The following RAVER1 variants were observed in gnomAD, a reference collection of about 807,000 sequenced individuals.
RAVER1 encodes the protein ribonucleoprotein, PTB binding 1.
RAVER1 carries 36 observed loss-of-function variants against 68.4 expected under a neutral mutation model. The ratio of observed to expected loss-of-function variants is 0.53; its 90% CI spans 0.40 to 0.70. RAVER1 has a LOEUF of 0.70. RAVER1 is among the 30% of genes least tolerant of loss of function. RAVER1 has a pLI of 0.00. For missense variants in RAVER1, 933 were observed against 1,019.8 expected (o/e 0.91, Z 1.16); for synonymous variants, 469 against 472.7 (o/e 0.99, Z 0.10).
In RAVER1 at chr19:10,329,148, C is replaced by A; in HGVS notation, c.287-37G>T. On this transcript the variant is annotated intron_variant, in intron 2 of 12. Coordinates refer to ENST00000617231, the MANE Select transcript of RAVER1 (RefSeq NM_133452.3). The surrounding 1 kb of genome is among the most constrained non-coding windows in gnomAD (Gnocchi z 4.6). ...GGAGGGCAGTGCGAGGTCAGCCGGG[C>A]CCTGAGGGCCTGCCCCTCCACCCCG... The A allele has an allele frequency of 7.6e-7, 1 of 1,309,468 alleles. No individual in the cohort carries two copies. Among genetic ancestry groups the A allele is most frequent in the Non-Finnish European group, 1.0e-6 (1 of 972,394 alleles). The allele number at this position is 1,309,468 out of a possible 1,614,324, so 81.1% of individuals were successfully genotyped here. A position where few individuals can be genotyped will look rare whatever the true frequency, so the allele number is the denominator to read the frequency against.
chr19:10,321,653 C>T (rs772326603), intron 6 of RAVER1, 35 bp from the exon 7 acceptor site: 2 of 1,380,958 alleles, frequency 1.4e-6, no homozygotes, highest in South Asian at 2.0e-5. Context: ...CAGATGGGGG[C>T]AGGGTGGCCC....
In RAVER1 at chr19:10,316,300, G is replaced by A. The variant is rs546923899; in HGVS notation, c.*1154C>T. 3.3e-6 allele frequency: 4 copies of A among 1,212,212 alleles called. No individual in the cohort carries two copies. The highest frequency in any genetic ancestry group is 4.1e-6 in the Non-Finnish European group (4 of 971,630). The allele number at this position is 1,212,212 out of a possible 1,614,324, so 75.1% of individuals were successfully genotyped here. Reference sequence around the variant, plus strand: ...TGGGGTCGGGGGAATAGTCCCCTTGGAGTGGATGTGGACCCCCAGAGTCAA... The same window carrying A: ...TGGGGTCGGGGGAATAGTCCCCTTGAAGTGGATGTGGACCCCCAGAGTCAA... On this transcript the variant is annotated 3_prime_UTR_variant, in exon 13 of 13. Transcript: ENST00000617231.
In RAVER1 at chr19:10,320,692, G is replaced by A. The variant is rs1221278216; in HGVS notation, c.1733C>T (p.Pro578Leu). Reference sequence around the variant, plus strand: ...GAAGCTGTAGCTGTCAGACAGTCCTGGTTCGGGGGGCAGGCGGGCGCTGCT... The same window carrying A: ...GAAGCTGTAGCTGTCAGACAGTCCTAGTTCGGGGGGCAGGCGGGCGCTGCT... ...PLSSARLPPE[P>L]GLSDSYSFDY... Residue 578 changes from proline to leucine, a missense_variant, in exon 9 of 13, where the codon CCA becomes CTA. By Grantham distance (98) the Pro-to-Leu change is moderately conservative. Around this residue, in one of 3 missense-constraint regions of RAVER1, gnomAD observed 699 missense variants for 731.1 expected, o/e 0.96. Coordinates refer to ENST00000617231, the MANE Select transcript of RAVER1 (RefSeq NM_133452.3). 6.5e-7 allele frequency: 1 copy of A among 1,550,294 alleles called. No individual in the cohort carries two copies. Among genetic ancestry groups the A allele is most frequent in the South Asian group, 1.2e-5 (1 of 82,278 alleles).
chr19:10,319,463 T>TC (rs1358792500), intron 9 of RAVER1, among the ~76,000 whole-genome samples: 1 of 152,288 alleles, frequency 6.6e-6, no homozygotes, highest in African/African-American at 2.4e-5. Context: ...AGCTGGGAAT[T>TC]CGAGCTGTGT....
intron 3 of RAVER1, among the ~76,000 whole-genome samples, chr19:10,325,001 C>A (rs2040464137): frequency 1.3e-5 from 2 of 151,660 alleles, no homozygotes; most frequent in African/African-American, 4.8e-5. Flanking sequence ...GCCTGGGCAA[C>A]ATAGGGAGAC....
chr19:10,326,322 C>T (rs936255074), intron 3 of RAVER1, among the ~76,000 whole-genome samples: 10 of 152,242 alleles, frequency 6.6e-5, no homozygotes, highest in East Asian at 3.8e-4. Flanking sequence ...GTCCTGAGCC[C>T]GCACAGGCGG....
rs557840747 is a variant in RAVER1 at position 10,323,623 on chromosome 19, C to T, written c.757-57G>A. The stretch of plus-strand genomic sequence containing the variant: ...CTGGGCAGCAGTGACTGCACCACCC[C>T]GGGAAGTGACAACCGTAACCAGACT... On this transcript the variant is annotated intron_variant, in intron 3 of 12. Coordinates refer to ENST00000617231, the MANE Select transcript of RAVER1 (RefSeq NM_133452.3). The surrounding 1 kb of genome is among the most constrained non-coding windows in gnomAD (Gnocchi z 6.2). 62 of 1,518,208 alleles carry T rather than the reference C, an allele frequency of 4.1e-5. No individual in the cohort carries two copies. Among genetic ancestry groups the T allele is most frequent in the East Asian group, 6.8e-5 (3 of 43,876 alleles). 94.0% of individuals were successfully genotyped at this position (1,518,208 alleles called of 1,614,324 possible).
intron 9 of RAVER1, among the ~76,000 whole-genome samples, chr19:10,319,980 A>G (rs1376968015): frequency 6.6e-6 from 1 of 152,022 alleles, no homozygotes; most frequent in African/African-American, 2.4e-5. Flanking sequence ...TTGGCATCAT[A>G]GAAGGACCAA....
chr19:10,323,245 G>A lies in RAVER1; in HGVS notation c.978C>T (p.Pro326=), dbSNP rs773824271. The change falls in exon 5 of 13, where the codon CCC becomes CCT. Residue 326 remains proline, a synonymous_variant. Transcript: ENST00000617231. The surrounding 1 kb of genome is among the most constrained non-coding windows in gnomAD (Gnocchi z 6.2). The stretch of plus-strand genomic sequence containing the variant: ...TGAGCAGCTGCAGGATGTTGGGCTC[G>A]GGGAGGAGTCCCTTCCCCCGATTGA... ...TALNRGKGLL[P]EPNILQLLNN... The A allele has an allele frequency of 5.6e-6, 9 of 1,613,288 alleles. No homozygotes were observed. Among genetic ancestry groups the A allele is most frequent in the East Asian group, 2.2e-5 (1 of 44,882 alleles).
In RAVER1 at chr19:10,333,335, C is replaced by A; in HGVS notation, c.173G>T (p.Arg58Leu). Residue 58 changes from arginine (R) to leucine (L), a missense_variant, in exon 1 of 13, where the codon CGC (arginine) becomes CTC (leucine). Transcript: ENST00000617231. The surrounding 1 kb of genome is among the most constrained non-coding windows in gnomAD (Gnocchi z 4.2). ...LEHTERQFRN[R>L]RKILIRGLPG... ...GAGGCCCCGGATCAGTATCTTGCGG[C>A]GGTTACGGAACTGGCGCTCGGTGTG... 1.2e-6 allele frequency: 2 copies of A among 1,613,438 alleles called. No homozygotes were observed. Among genetic ancestry groups the A allele is most frequent in the Non-Finnish European group, 1.7e-6 (2 of 1,179,470 alleles).
chr19:10,331,626 C>CA (rs1169616816), intron 1 of RAVER1, among the ~76,000 whole-genome samples: 7 of 126,028 alleles, frequency 5.6e-5, no homozygotes, highest in Non-Finnish European at 9.3e-5. Flanking sequence ...GTGAAGGTTG[C>CA]AGTGAGCAGA....
chr19:10,331,373 A>T lies in RAVER1; in HGVS notation c.220-847T>A, dbSNP rs35673417. ...CTCCGTCTCAAAAAAAAAAAAAAAA[A>T]AAAAAAAAAATAACAACAACAAAAA... On this transcript the variant is annotated intron_variant, in intron 1 of 12. Coordinates refer to ENST00000617231, the MANE Select transcript of RAVER1 (RefSeq NM_133452.3). Among the ~76,000 whole-genome samples, 184 of 130,662 alleles carry T rather than the reference A, an allele frequency of 1.4e-3. 2 individuals are homozygous for T. The East Asian group carries it at 0.032, about 22-fold the overall frequency. The allele number at this position is 130,662 out of a possible 152,430, so 85.7% of individuals were successfully genotyped here.
At chr19:10,327,188 G>T (rs1235696429) in intron 3 of RAVER1, among the ~76,000 whole-genome samples, 1 of 151,804 alleles carries the variant, frequency 6.6e-6, no homozygotes, top group East Asian at 1.9e-4. Context: ...GTTTAAATGG[G>T]GCACCAATAC....
rs140864724 is a variant in RAVER1, at chr19:10,316,660, G to T, written c.*794C>A. 2.7e-5 allele frequency: 20 copies of T among 738,408 alleles called. No individual in the cohort carries two copies. The highest frequency in any genetic ancestry group is 3.1e-5 in the Non-Finnish European group (19 of 603,746). 45.7% of individuals were successfully genotyped at this position (738,408 alleles called of 1,614,324 possible). ...GTGGGGCCGGTTCGCCAAGATGAAGGCTTTCCCCTTCTACTGTCCCCAGGG... is the reference window on the plus strand; with the variant it reads ...GTGGGGCCGGTTCGCCAAGATGAAGTCTTTCCCCTTCTACTGTCCCCAGGG... On this transcript the variant is annotated 3_prime_UTR_variant, in exon 13 of 13. Coordinates refer to ENST00000617231, the MANE Select transcript of RAVER1 (RefSeq NM_133452.3).
At position 10,317,350 on chromosome 19, in the gene RAVER1, T is replaced by C. The variant is rs1024044465; in HGVS notation, c.*104A>G. ...GTAAAGTCTTTCAGAGATTTTTCTA[T>C]TACCGAAAGAGAGAAAATGGTTTAA... On this transcript the variant is annotated 3_prime_UTR_variant, in exon 13 of 13. Transcript: ENST00000617231. This position sits in a 1 kb window ranked among gnomAD's most constrained non-coding sequence, Gnocchi z 4.3. The C allele has an allele frequency of 3.1e-6, 4 of 1,283,728 alleles. No homozygotes were observed. Among genetic ancestry groups the C allele is most frequent in the Non-Finnish European group, 2.2e-6 (2 of 894,652 alleles). The allele number at this position is 1,283,728 out of a possible 1,614,324, so 79.5% of individuals were successfully genotyped here.
At chr19:10,326,755 G>GT (rs34915880) in intron 3 of RAVER1, among the ~76,000 whole-genome samples, 26,585 of 114,200 alleles carry the variant, frequency 0.23, 3,530 homozygotes, top group Middle Eastern at 0.29. Flanking sequence ...CGCCTGGCCT[G>GT]TTTTTTTTTT....
At position 10,320,722 on chromosome 19, in the gene RAVER1, G is replaced by C; in HGVS notation, c.1703C>G (p.Pro568Arg). 6.5e-7 allele frequency: 1 copy of C among 1,543,280 alleles called. No homozygotes were observed. Among genetic ancestry groups the C allele is most frequent in the Non-Finnish European group, 8.7e-7 (1 of 1,152,654 alleles). The change falls in exon 9 of 13, where the codon CCC becomes CGC. Residue 568 changes from proline to arginine, a missense_variant. Transcript: ENST00000617231. ...AFQLKSRLLS[P>R]LSSARLPPEP... ...GGGGGGCAGGCGGGCGCTGCTGAGG[G>C]GGCTGAGCAGGCGGGACTTGAGCTG... is the stretch of plus-strand genomic sequence containing the variant.
At position 10,328,653 on chromosome 19, in the gene RAVER1, T is replaced by TG; in HGVS notation, c.744dup (p.Thr249HisfsTer22). The TG allele has an allele frequency of 6.4e-7, 1 of 1,558,622 alleles. No homozygotes were observed. Among genetic ancestry groups the TG allele is most frequent in the Non-Finnish European group, 8.7e-7 (1 of 1,151,466 alleles). On this transcript the variant is annotated frameshift_variant, in exon 3 of 13. Coordinates refer to ENST00000617231, the MANE Select transcript of RAVER1 (RefSeq NM_133452.3). LOFTEE classifies it high-confidence loss of function. The surrounding 1 kb of genome is among the most constrained non-coding windows in gnomAD (Gnocchi z 4.4). ...TCCACAGGGCTCACCTGGCAGAAGG[T>TG]GGGGCTGTGGACAGCTGACAGCGCC...
Position 10,320,774 on chromosome 19 carries a change from C to T in RAVER1, c.1651G>A (p.Gly551Ser), listed in dbSNP as rs1253885865. The stretch of plus-strand genomic sequence containing the variant: ...AAGGCTTTGCTGCTGCTGCTGCCAC[C>T]TCCAGGGGCTGGGGGGTTAGTTGGG... ...GPPTNPPAPG[G>S]GSSSSKAFQL... The change falls in exon 9 of 13, where the codon GGT (glycine) becomes AGT (serine). Residue 551 changes from glycine (G) to serine (S), a missense_variant. Coordinates refer to ENST00000617231, the MANE Select transcript of RAVER1 (RefSeq NM_133452.3). The T allele has an allele frequency of 4.7e-6, 7 of 1,491,994 alleles. No individual in the cohort carries two copies. Among genetic ancestry groups the T allele is most frequent in the Non-Finnish European group, 6.2e-6 (7 of 1,129,804 alleles). The allele number at this position is 1,491,994 out of a possible 1,614,324, so 92.4% of individuals were successfully genotyped here. A position where few individuals can be genotyped will look rare whatever the true frequency, so the allele number is the denominator to read the frequency against.
Sources: allele counts gnomAD v4.1 joint callset (sites outside exome capture counted in the v4.1 genomes callset), GRCh38; gene constraint gnomAD v4.1.1; regional missense constraint gnomAD v4.1.1; non-coding constraint Gnocchi (gnomAD v3.1); transcripts MANE v1.5; gene names NCBI Gene and HGNC (gene_info 2026-07-23, HGNC 2026-07-21).